Variants in TPRG1 observed in about 807,000 individuals in gnomAD.
TPRG1 encodes the protein tumor protein p63 regulated 1, also known as tumor protein p63-regulated gene 1 protein.
In TPRG1, 29 loss-of-function variants were observed where a neutral mutation model predicts 29.3. The observed-to-expected ratio is 0.99, with a 90% CI of 0.74 to 1.35. TPRG1 has a LOEUF of 1.35. TPRG1 is among the 40% of genes most tolerant of loss of function. The probability of loss-of-function intolerance (pLI) is 0.00; values close to 1 mark genes in which losing one functional copy is unlikely to be tolerated. For missense variants in TPRG1, 327 were observed against 335.0 expected (o/e 0.98, Z 0.19); for synonymous variants, 130 against 116.8 (o/e 1.11, Z -0.73).
At chr3:189,215,445 A>G in intron 3 of TPRG1, 62 bp downstream of exon 3, 1 of 1,351,292 alleles carries the variant, frequency 7.4e-7, no homozygotes. Context: ...ACATCACTGT[A>G]GCAGAATAGG....
intron 3 of TPRG1, among the ~76,000 whole-genome samples, chr3:189,022,103 C>T (rs1340702459): frequency 2.0e-5 from 3 of 152,120 alleles, no homozygotes; most frequent in Non-Finnish European, 4.4e-5. Flanking sequence ...AAGCACTTCT[C>T]TGTATTGGTT....
chr3:189,132,573 C>T lies in TPRG1; in HGVS notation c.-415C>T, dbSNP rs538335068. 7 of 152,302 alleles carry T rather than the reference C, an allele frequency of 4.6e-5. No individual in the cohort carries two copies. The South Asian group carries it at 6.2e-4, about 14-fold the overall frequency. 9.4% of individuals were successfully genotyped at this position (152,302 alleles called of 1,614,324 possible). The stretch of plus-strand genomic sequence containing the variant: ...ATTGCAGCCCGACCGCAAAAACAAG[C>T]GTGGCTTCTGTACTTAGCAGCAGTC... On this transcript the variant is annotated 5_prime_UTR_variant, in exon 3 of 7. Coordinates refer to the TPRG1 transcript ENST00000412373.
intron 4 of TPRG1, among the ~76,000 whole-genome samples, chr3:189,252,346 G>T (rs952276749): frequency 1.3e-5 from 2 of 152,074 alleles, no homozygotes; most frequent in African/African-American, 4.8e-5. Context: ...ACACTCTTTG[G>T]ATCAGAGCAT....
chr3:189,307,313 C>T (rs192158659), intron 4 of TPRG1, among the ~76,000 whole-genome samples: 6 of 152,260 alleles, frequency 3.9e-5, no homozygotes, highest in East Asian at 1.9e-4. Context: ...CGTGAGTCAC[C>T]GCACCTGGCC....
Position 189,261,123 on chromosome 3 carries a change from C to T in TPRG1, c.479+22214C>T, listed in dbSNP as rs548984301. 2.0e-5 allele frequency among the ~76,000 whole-genome samples: 3 copies of T among 152,248 alleles called. No homozygotes were observed. The East Asian group carries it at 5.8e-4, about 29-fold the overall frequency. Reference sequence around the variant, plus strand: ...TGTCTAGACAATCTAATTATGAACACAGAGCAAATAGCTGAAGTGTATGCC... The same window carrying T: ...TGTCTAGACAATCTAATTATGAACATAGAGCAAATAGCTGAAGTGTATGCC... On this transcript the variant is annotated intron_variant, in intron 4 of 5. Coordinates refer to ENST00000345063, the MANE Select transcript of TPRG1 (RefSeq NM_198485.4).
chr3:189,123,598 A>C (rs776772118), intron 1 of TPRG1: 4 of 152,226 alleles, frequency 2.6e-5, no homozygotes, highest in Non-Finnish European at 5.9e-5. Flanking sequence ...GCAGCCTGAA[A>C]TTGCTCATCA....
chr3:189,161,675 A>G (rs370484575), intron 5 of TPRG1, among the ~76,000 whole-genome samples: 7 of 152,200 alleles, frequency 4.6e-5, no homozygotes, highest in African/African-American at 1.7e-4. Flanking sequence ...TGTTTATTAA[A>G]TATCTATTAT....
In TPRG1 at chr3:189,243,938, G is replaced by T. The variant is rs550986960; in HGVS notation, c.479+5029G>T. 7.2e-5 allele frequency among the ~76,000 whole-genome samples: 11 copies of T among 152,272 alleles called. No individual in the cohort carries two copies. The South Asian group carries it at 2.1e-3, about 29-fold the overall frequency. Reference sequence around the variant, plus strand: ...TAACCACTCAGCCAGTCTCTAGAAAGTTCCAAACGTTTCCTCATCCTCCTG... The same window carrying T: ...TAACCACTCAGCCAGTCTCTAGAAATTTCCAAACGTTTCCTCATCCTCCTG... On this transcript the variant is annotated intron_variant, in intron 4 of 5. Transcript: ENST00000345063.
intron 1 of TPRG1, among the ~76,000 whole-genome samples, chr3:189,205,883 AC>A (rs1420082669): frequency 6.6e-6 from 1 of 152,222 alleles, no homozygotes; most frequent in Non-Finnish European, 1.5e-5. Context: ...AATAAAAATC[AC>A]CTCTAACACT....
At chr3:189,316,672 C>T (rs1043086323) in intron 5 of TPRG1, among the ~76,000 whole-genome samples, 22 of 152,292 alleles carry the variant, frequency 1.4e-4, no homozygotes, top group Admixed American at 7.2e-4. Flanking sequence ...GTCCCCACCA[C>T]GCACACTGCT....
intron 1 of TPRG1, among the ~76,000 whole-genome samples, chr3:189,101,213 A>G (rs1261899770): frequency 1.3e-5 from 2 of 152,054 alleles, no homozygotes; most frequent in African/African-American, 2.4e-5. Context: ...TCACAGTTTT[A>G]GTCTCTTTAT....
chr3:189,031,385 A>G (rs1201981486), intron 4 of TPRG1, among the ~76,000 whole-genome samples: 1 of 152,202 alleles, frequency 6.6e-6, no homozygotes, highest in Non-Finnish European at 1.5e-5. Context: ...GATATGTGGT[A>G]CCAATACACA....
upstream of TPRG1, among the ~76,000 whole-genome samples, chr3:189,171,167 C>T (rs537147977): frequency 8.5e-5 from 13 of 152,298 alleles, no homozygotes; most frequent in Non-Finnish European, 1.6e-4. Context: ...AGCACCGTTG[C>T]TATGTCAAAT....
intron 3 of TPRG1, among the ~76,000 whole-genome samples, chr3:189,014,397 C>T (rs1712813492): frequency 6.6e-6 from 1 of 152,152 alleles, no homozygotes; most frequent in East Asian, 1.9e-4. Flanking sequence ...TACTGGGCCC[C>T]CACTGTAGGT....
intron 4 of TPRG1, among the ~76,000 whole-genome samples, chr3:189,263,861 T>C (rs1463607710): frequency 1.3e-5 from 2 of 152,194 alleles, no homozygotes; most frequent in East Asian, 1.9e-4. Context: ...GCATGACTTC[T>C]TGAGAAGTAT....
chr3:189,095,235 C>T (rs983943359), upstream of TPRG1, among the ~76,000 whole-genome samples: 2 of 152,112 alleles, frequency 1.3e-5, no homozygotes, highest in Non-Finnish European at 2.9e-5. Flanking sequence ...GAGAGGCTGC[C>T]TGCTAGAGGC....
intron 1 of TPRG1, among the ~76,000 whole-genome samples, chr3:189,186,406 G>T (rs991221168): frequency 1.3e-5 from 2 of 152,126 alleles, no homozygotes; most frequent in Non-Finnish European, 2.9e-5. Flanking sequence ...CCTACCATTC[G>T]ATGTTTTTTT....
Position 189,210,113 on chromosome 3 carries a change from A to ATG in TPRG1, c.210+2527_210+2528dup, listed in dbSNP as rs540736001. Among the ~76,000 whole-genome samples the ATG allele has an allele frequency of 7.1e-3, 1,078 of 152,148 alleles. 13 individuals carry two copies. Among genetic ancestry groups the ATG allele is most frequent in the African/African-American group, 0.025 (1,018 of 41,518 alleles). ...GGTAGTTGAAAAAAACTGGAGAGAA[A>ATG]TGTGTGTGTCTGTGTGTGTTGGGGG... On this transcript the variant is annotated intron_variant, in intron 2 of 5. Transcript: ENST00000345063.
intron 3 of TPRG1, among the ~76,000 whole-genome samples, chr3:189,008,373 C>A (rs1218332675): frequency 6.6e-6 from 1 of 152,042 alleles, no homozygotes; most frequent in Non-Finnish European, 1.5e-5. Flanking sequence ...ACAGGCTGTA[C>A]CCAGAACAAT....
Sources: gnomAD v4.1 joint callset for allele counts (sites outside exome capture counted in the v4.1 genomes callset) on GRCh38, gnomAD v4.1.1 for gene constraint, MANE v1.5 for transcripts, NCBI Gene and HGNC (gene_info 2026-07-23, HGNC 2026-07-21) for gene names.